ZCCHC7: variants seen among roughly 807,000 people sequenced by gnomAD.
ZCCHC7 encodes zinc finger CCHC domain-containing protein 7.
In ZCCHC7, 35 loss-of-function variants were observed where a neutral mutation model predicts 52.0. That is an observed-to-expected ratio of 0.67 (90% CI 0.51 to 0.89). The LOEUF is 0.89. ZCCHC7 is among the 40% of genes least tolerant of loss of function. The pLI, the probability that ZCCHC7 is intolerant of heterozygous loss-of-function variation, is 0.00. For missense variants in ZCCHC7, 574 were observed against 649.1 expected, an observed-to-expected ratio of 0.88 and a Z score of 1.26; for synonymous variants, 217 against 221.5, an observed-to-expected ratio of 0.98 and a Z score of 0.18.
In ZCCHC7 at chr9:37,197,051, TTTAAG is replaced by T. The variant is rs1203859416; in HGVS notation, c.610+70113_610+70117del. On this transcript the variant is annotated intron_variant, in intron 2 of 8. Coordinates refer to ENST00000336755, the MANE Select transcript of ZCCHC7 (RefSeq NM_032226.3). Reference sequence around the variant, plus strand: ...TCATCATTTGAATACATAGTGCTGTTTTAAGTTATTTGTGTGTTATGAAGAAAAGG... The same window carrying T: ...TCATCATTTGAATACATAGTGCTGTTTTATTTGTGTGTTATGAAGAAAAGG... 5.3e-5 allele frequency among the ~76,000 whole-genome samples: 8 copies of T among 152,360 alleles called. No individual in the cohort carries two copies. The South Asian group carries it at 6.2e-4, about 12-fold the overall frequency.
intron 2 of ZCCHC7, among the ~76,000 whole-genome samples, chr9:37,136,096 T>C (rs549024439): frequency 4.6e-5 from 7 of 152,314 alleles, no homozygotes; most frequent in East Asian, 1.9e-4. Flanking sequence ...CTGGCTGATA[T>C]ATCTACTTAT....
intron 2 of ZCCHC7, among the ~76,000 whole-genome samples, chr9:37,166,619 G>A (rs1354412977): frequency 2.7e-5 from 4 of 150,626 alleles, no homozygotes; most frequent in African/African-American, 9.8e-5. Flanking sequence ...GATTTTATTT[G>A]CTCTTATTTT....
chr9:37,198,985 T>C (rs985723158), intron 2 of ZCCHC7, among the ~76,000 whole-genome samples: 1 of 152,216 alleles, frequency 6.6e-6, no homozygotes, highest in Non-Finnish European at 1.5e-5. Flanking sequence ...AACAGACTGC[T>C]TACCACCTGT....
At chr9:37,195,679 A>C (rs2133127331) in intron 2 of ZCCHC7, among the ~76,000 whole-genome samples, 1 of 152,312 alleles carries the variant, frequency 6.6e-6, no homozygotes, top group Middle Eastern at 3.4e-3. Context: ...AGTTTGAGCA[A>C]ATTGTTTTGG....
At chr9:37,235,291 T>C (rs932451496) in intron 2 of ZCCHC7, among the ~76,000 whole-genome samples, 2 of 152,142 alleles carry the variant, frequency 1.3e-5, no homozygotes, top group Non-Finnish European at 2.9e-5. Context: ...TAACCACTAT[T>C]CTACCCTGTA....
At chr9:37,173,969 T>G (rs976953084) in intron 2 of ZCCHC7, among the ~76,000 whole-genome samples, 1 of 152,200 alleles carries the variant, frequency 6.6e-6, no homozygotes, top group Non-Finnish European at 1.5e-5. Flanking sequence ...AAGCATAGTT[T>G]CTTCAATTGT....
chr9:37,209,687 T>G (rs1824110571), intron 2 of ZCCHC7, among the ~76,000 whole-genome samples: 1 of 152,196 alleles, frequency 6.6e-6, no homozygotes, highest in South Asian at 2.1e-4. Context: ...AAATACTTCT[T>G]GAATGCATGA....
At chr9:37,295,413 G>A (rs762776375) in intron 2 of ZCCHC7, among the ~76,000 whole-genome samples, 2 of 152,180 alleles carry the variant, frequency 1.3e-5, no homozygotes, top group African/African-American at 2.4e-5. Flanking sequence ...TAGGCAGCAA[G>A]GGACCATTCA....
At chr9:37,133,083 G>A (rs1207691115) in intron 2 of ZCCHC7, among the ~76,000 whole-genome samples, 5 of 152,148 alleles carry the variant, frequency 3.3e-5, no homozygotes, top group Non-Finnish European at 7.3e-5. Context: ...GCAGTGAGCC[G>A]AGATCGTGCC....
At chr9:37,145,778 G>GTT (rs1237062338) in intron 2 of ZCCHC7, among the ~76,000 whole-genome samples, 1 of 151,824 alleles carries the variant, frequency 6.6e-6, no homozygotes, top group Non-Finnish European at 1.5e-5. Flanking sequence ...AATATTCCTC[G>GTT]TTTAATAGAT....
chr9:37,142,702 G>A (rs961548285), intron 2 of ZCCHC7, among the ~76,000 whole-genome samples: 1 of 151,574 alleles, frequency 6.6e-6, no homozygotes, highest in African/African-American at 2.4e-5. Flanking sequence ...TAGTTATATA[G>A]GCTTCATGAG....
At chr9:37,274,923 A>G (rs1008508917) in intron 2 of ZCCHC7, among the ~76,000 whole-genome samples, 4 of 152,012 alleles carry the variant, frequency 2.6e-5, no homozygotes, top group African/African-American at 9.7e-5. Flanking sequence ...CTTTGTTTAT[A>G]GTGACACCTA....
chr9:37,341,231 G>T (rs961642370), intron 6 of ZCCHC7, among the ~76,000 whole-genome samples: 12 of 152,114 alleles, frequency 7.9e-5, no homozygotes, highest in Non-Finnish European at 1.6e-4. Flanking sequence ...CAATAAGGAA[G>T]CTGTATTATT....
rs143373701 is a variant in ZCCHC7, at chr9:37,166,466, TG to T, written c.610+39525del. On this transcript the variant is annotated intron_variant, in intron 2 of 8. Transcript: ENST00000336755. ...TTCTCATTTTTTTTCCTGGTATGTC[TG>T]TCTTGAGATTAGTAAATTTTAATGA... 2.8e-4 allele frequency among the ~76,000 whole-genome samples: 42 copies of T among 152,322 alleles called. No individual in the cohort carries two copies. The East Asian group carries it at 7.7e-3, about 28-fold the overall frequency.
intron 2 of ZCCHC7, among the ~76,000 whole-genome samples, chr9:37,212,930 A>G (rs571402823): frequency 1.3e-5 from 2 of 152,136 alleles, no homozygotes; most frequent in South Asian, 2.1e-4. Flanking sequence ...CACTTTTACT[A>G]TGTAAGTTTC....
intron 5 of ZCCHC7, among the ~76,000 whole-genome samples, chr9:37,312,638 C>T (rs753640525): frequency 1.3e-5 from 2 of 152,190 alleles, no homozygotes; most frequent in African/African-American, 4.8e-5. Flanking sequence ...ATATAGAGGG[C>T]TGGGCGCAGT....
intron 2 of ZCCHC7, among the ~76,000 whole-genome samples, chr9:37,149,270 T>G (rs1406684269): frequency 1.3e-5 from 2 of 152,190 alleles, no homozygotes; most frequent in African/African-American, 4.8e-5. Flanking sequence ...ACTCTTTAAT[T>G]TATAGTTCGG....
At chr9:37,161,402 A>T (rs961650865) in intron 2 of ZCCHC7, among the ~76,000 whole-genome samples, 1 of 152,004 alleles carries the variant, frequency 6.6e-6, no homozygotes, top group Non-Finnish European at 1.5e-5. Context: ...GTGAAACCCC[A>T]TCTCTACTAA....
chr9:37,142,445 C>CT, intron 2 of ZCCHC7, among the ~76,000 whole-genome samples: 1 of 151,744 alleles, frequency 6.6e-6, no homozygotes, highest in African/African-American at 2.4e-5. Flanking sequence ...GAATATGAAA[C>CT]TGATTTATAG....
Sources: allele counts gnomAD v4.1 joint callset (sites outside exome capture counted in the v4.1 genomes callset), GRCh38; gene constraint gnomAD v4.1.1; transcripts MANE v1.5; gene names NCBI Gene and HGNC (gene_info 2026-07-23, HGNC 2026-07-21).